The following FAM120C variants were observed in gnomAD, a reference collection of about 807,000 sequenced individuals.
The protein encoded by FAM120C is family with sequence similarity 120 member C, also known as constitutive coactivator of PPAR-gamma-like protein 2.
FAM120C carries 14 observed loss-of-function variants against 71.2 expected under a neutral mutation model. That is an observed-to-expected ratio of 0.20 (90% CI 0.13 to 0.31). FAM120C has a LOEUF of 0.31. Ranked by LOEUF, FAM120C falls within the 10% of genes least tolerant of loss-of-function variation. The probability of loss-of-function intolerance (pLI) is 1.00; values close to 1 mark genes in which losing one functional copy is unlikely to be tolerated. For missense variants in FAM120C, 500 were observed against 879.0 expected, an observed-to-expected ratio of 0.57 and a Z score of 5.45; for synonymous variants, 354 against 353.2, an observed-to-expected ratio of 1.00 and a Z score of -0.03.
intron 10 of FAM120C, among the ~76,000 whole-genome samples, chrX:54,115,550 T>C (rs1409487207): frequency 1.8e-5 from 2 of 112,054 alleles, no homozygotes; most frequent in African/African-American, 6.5e-5. Flanking sequence ...GTGAAAAAGC[T>C]ACATGCGTAT....
At chrX:54,172,828 T>C (rs1557136106) in intron 1 of FAM120C, among the ~76,000 whole-genome samples, 1 of 111,983 alleles carries the variant, frequency 8.9e-6, no homozygotes, top group East Asian at 2.8e-4. Flanking sequence ...GATGGTACAA[T>C]GCTGTTGGTC....
intron 4 of FAM120C, among the ~76,000 whole-genome samples, chrX:54,150,834 C>T (rs907603636): frequency 2.7e-5 from 3 of 110,339 alleles, no homozygotes; most frequent in Non-Finnish European, 5.7e-5. Context: ...CTGCAACCTC[C>T]GCCTCCTGGG....
intron 11 of FAM120C, among the ~76,000 whole-genome samples, chrX:54,088,613 A>C (rs1423157323): frequency 9.6e-6 from 1 of 104,461 alleles, no homozygotes; most frequent in Admixed American, 1.1e-4. Flanking sequence ...AAAAAAAAAA[A>C]CGAAAGAAAG....
At chrX:54,118,699 C>CTTTTTTTTTTTTTTTTTTTTT (rs1187381929) in intron 9 of FAM120C, among the ~76,000 whole-genome samples, 1 of 31,721 alleles carries the variant, frequency 3.2e-5, no homozygotes, top group African/African-American at 1.4e-4. Flanking sequence ...TTCTTTTTTT[C>CTTTTTTTTTTTTTTTTTTTTT]TTTTTTTTTT....
At chrX:54,137,478 T>A (rs782143886) in intron 4 of FAM120C, among the ~76,000 whole-genome samples, 1 of 111,532 alleles carries the variant, frequency 9.0e-6, no homozygotes, top group East Asian at 2.8e-4. Flanking sequence ...GCTTTTATAA[T>A]AATAATCTAA....
intron 1 of FAM120C, among the ~76,000 whole-genome samples, chrX:54,167,739 G>A (rs1328216527): frequency 1.8e-5 from 2 of 109,199 alleles, no homozygotes; most frequent in African/African-American, 6.7e-5. Flanking sequence ...GGCCAAGGCA[G>A]GCAGAACACA....
At chrX:54,125,560 C>CTT (rs782525037) in intron 9 of FAM120C, among the ~76,000 whole-genome samples, 1 of 113,001 alleles carries the variant, frequency 8.8e-6, no homozygotes, top group East Asian at 2.8e-4. Flanking sequence ...CCCACCTTGG[C>CTT]TTCCCAAAGT....
chrX:54,178,820 A>C lies in FAM120C; in HGVS notation c.699+3680T>G, dbSNP rs191084088. ...TGGTATCTGTTCTCAAAGTCTGGTTATTCATATGCCACCAACATGATTTCT... is the reference window on the plus strand; with the variant it reads ...TGGTATCTGTTCTCAAAGTCTGGTTCTTCATATGCCACCAACATGATTTCT... On this transcript the variant is annotated intron_variant, in intron 1 of 15. Coordinates refer to ENST00000375180, the MANE Select transcript of FAM120C (RefSeq NM_017848.6). 2.8e-3 allele frequency among the ~76,000 whole-genome samples: 314 copies of C among 111,979 alleles called. 2 individuals carry two copies. The highest frequency in any genetic ancestry group is 1.0e-2 in the African/African-American group (308 of 30,883).
At chrX:54,152,841 G>C (rs1032508088) in intron 3 of FAM120C, among the ~76,000 whole-genome samples, 12 of 112,041 alleles carry the variant, frequency 1.1e-4, no homozygotes, top group Admixed American at 1.9e-4. Flanking sequence ...CCTCATGGGA[G>C]CTTAAATTCT....
chrX:54,168,910 C>T lies in FAM120C; in HGVS notation c.700-9294G>A, dbSNP rs782619994. ...TTTATTTAAACAGAGAAAACAGAAG[C>T]TTGGAAAACTTAAGTAACTTGCCCC... On this transcript the variant is annotated intron_variant, in intron 1 of 15. Coordinates refer to ENST00000375180, the MANE Select transcript of FAM120C (RefSeq NM_017848.6). Among the ~76,000 whole-genome samples, 20 of 112,154 alleles carry T rather than the reference C, an allele frequency of 1.8e-4. 1 individual carries two copies. The highest frequency in any genetic ancestry group is 3.8e-5 in the Non-Finnish European group (2 of 53,254).
intron 10 of FAM120C, among the ~76,000 whole-genome samples, chrX:54,106,842 A>G (rs782672399): frequency 1.2e-4 from 14 of 112,146 alleles, no homozygotes; most frequent in African/African-American, 4.2e-4. Context: ...AATCAAAACC[A>G]CAATGAGATA....
intron 15 of FAM120C, among the ~76,000 whole-genome samples, chrX:54,075,306 G>A (rs980901159): frequency 8.9e-6 from 1 of 112,053 alleles, no homozygotes; most frequent in Non-Finnish European, 1.9e-5. Context: ...CAAGGTCACA[G>A]AACTAGTAAG....
chrX:54,182,002 G>A (rs184129013), intron 1 of FAM120C, among the ~76,000 whole-genome samples: 38 of 111,767 alleles, frequency 3.4e-4, no homozygotes, highest in African/African-American at 1.2e-3. Context: ...GACACAGATG[G>A]GTAAAAAAGC....
chrX:54,111,715 G>A (rs781799458), intron 10 of FAM120C, among the ~76,000 whole-genome samples: 4 of 112,024 alleles, frequency 3.6e-5, no homozygotes, highest in Non-Finnish European at 7.5e-5. Context: ...ACTGTCCAAA[G>A]TAATCTACAG....
chrX:54,178,503 C>T (rs1557136931), intron 1 of FAM120C, among the ~76,000 whole-genome samples: 1 of 111,725 alleles, frequency 9.0e-6, no homozygotes, highest in African/African-American at 3.3e-5. Context: ...CTTACTAGTA[C>T]TTAGAACAAA....
chrX:54,145,014 C>G (rs1423109315), intron 4 of FAM120C, among the ~76,000 whole-genome samples: 1 of 111,611 alleles, frequency 9.0e-6, no homozygotes, highest in Non-Finnish European at 1.9e-5. Context: ...TAATACCACA[C>G]ATCTACAACC....
chrX:54,161,960 C>T (rs1295681255), intron 1 of FAM120C, among the ~76,000 whole-genome samples: 3 of 112,660 alleles, frequency 2.7e-5, no homozygotes, highest in African/African-American at 9.7e-5. Flanking sequence ...GTGATCCAAA[C>T]ACCTACATTT....
chrX:54,099,158 G>A (rs1161291198), intron 10 of FAM120C, among the ~76,000 whole-genome samples: 2 of 108,690 alleles, frequency 1.8e-5, no homozygotes, highest in Non-Finnish European at 3.8e-5. Context: ...GGGACCACAG[G>A]TGCACAGCTA....
chrX:54,129,065 C>A (rs1203689270), intron 9 of FAM120C, among the ~76,000 whole-genome samples: 4 of 104,956 alleles, frequency 3.8e-5, no homozygotes, highest in Admixed American at 3.0e-4. Flanking sequence ...GAGGCGCCCC[C>A]AACCTCCCGG....
Sources: allele counts gnomAD v4.1 joint callset (sites outside exome capture counted in the v4.1 genomes callset), GRCh38; gene constraint gnomAD v4.1.1; transcripts MANE v1.5; gene names NCBI Gene and HGNC (gene_info 2026-07-23, HGNC 2026-07-21).